The following DAB1 variants were observed in gnomAD, a reference collection of about 807,000 sequenced individuals.
DAB1 encodes the protein DAB adaptor protein 1, also known as disabled homolog 1.
Under a neutral mutation model 64.6 loss-of-function variants are expected in DAB1, and 15 were observed. The observed-to-expected ratio is 0.23, with a 90% confidence interval of 0.16 to 0.36. DAB1 has a LOEUF of 0.36. DAB1 is among the 10% of genes least tolerant of loss of function. The pLI is 1.00. For synonymous variants in DAB1, 235 were observed against 251.9 expected (o/e 0.93, Z 0.64); for missense variants, 596 against 706.7 (o/e 0.84, Z 1.78).
chr1:58,446,823 C>G (rs1467078711), intron 3 of DAB1, among the ~76,000 whole-genome samples: 3 of 152,222 alleles, frequency 2.0e-5, no homozygotes, highest in African/African-American at 7.2e-5. Flanking sequence ...CTCTAACTCT[C>G]CAAACTCTCA....
intron 6 of DAB1, among the ~76,000 whole-genome samples, chr1:57,664,866 A>C (rs1359188843): frequency 6.6e-6 from 1 of 152,072 alleles, no homozygotes; most frequent in East Asian, 1.9e-4. Flanking sequence ...TTTTGTAAAA[A>C]GTACTTAAGT....
At chr1:57,050,498 G>A (rs560576690) in intron 9 of DAB1, among the ~76,000 whole-genome samples, 1 of 152,180 alleles carries the variant, frequency 6.6e-6, no homozygotes, top group African/African-American at 2.4e-5. Context: ...ATCAGCCCGT[G>A]TGACATGACA....
chr1:58,053,872 G>A (rs1383361908), intron 5 of DAB1, among the ~76,000 whole-genome samples: 1 of 152,162 alleles, frequency 6.6e-6, no homozygotes. Flanking sequence ...GGATTCCCAT[G>A]GTGTCAACCA....
chr1:57,081,167 T>C (rs1381877158), intron 4 of DAB1, among the ~76,000 whole-genome samples: 1 of 152,224 alleles, frequency 6.6e-6, no homozygotes, highest in Non-Finnish European at 1.5e-5. Flanking sequence ...AGTCACCTTA[T>C]TTCACTGAGG....
At chr1:57,608,665 G>A (rs1645690086) in intron 7 of DAB1, among the ~76,000 whole-genome samples, 2 of 152,128 alleles carry the variant, frequency 1.3e-5, no homozygotes, top group South Asian at 4.1e-4. Context: ...AACTTTTCAG[G>A]TGAACATTAT....
At chr1:57,979,444 G>C (rs1171895599) in intron 5 of DAB1, among the ~76,000 whole-genome samples, 2 of 152,246 alleles carry the variant, frequency 1.3e-5, no homozygotes, top group Non-Finnish European at 2.9e-5. Context: ...GGATAACATT[G>C]GGAGAAATAC....
chr1:58,159,143 G>C (rs1361615584), intron 4 of DAB1, among the ~76,000 whole-genome samples: 1 of 152,158 alleles, frequency 6.6e-6, no homozygotes, highest in Non-Finnish European at 1.5e-5. Context: ...ATAGCTCTGT[G>C]ACTTGAGGCA....
intron 4 of DAB1, among the ~76,000 whole-genome samples, chr1:58,267,175 A>C (rs1416805881): frequency 6.6e-6 from 1 of 152,162 alleles, no homozygotes; most frequent in African/African-American, 2.4e-5. Context: ...AGCTGAGATC[A>C]CGCCACTGCA....
At chr1:57,312,431 TTTCA>T (rs980279020) in intron 1 of DAB1, among the ~76,000 whole-genome samples, 2 of 152,028 alleles carry the variant, frequency 1.3e-5, no homozygotes, top group African/African-American at 4.8e-5. Flanking sequence ...AACCTAAGTC[TTTCA>T]TTTTACCACT....
chr1:57,068,311 T>C (rs1443700641), intron 8 of DAB1, among the ~76,000 whole-genome samples: 1 of 152,136 alleles, frequency 6.6e-6, no homozygotes. Flanking sequence ...TTGAAAAAAG[T>C]CTCAAAGCAC....
intron 5 of DAB1, among the ~76,000 whole-genome samples, chr1:58,067,083 A>G (rs12569191): frequency 0.032 from 4,858 of 152,208 alleles, 156 homozygotes; most frequent in East Asian, 0.12. Context: ...CTCTCATTCC[A>G]CAAGCATCAG....
At chr1:57,553,964 C>A (rs981138613) in intron 7 of DAB1, among the ~76,000 whole-genome samples, 1 of 150,916 alleles carries the variant, frequency 6.6e-6, no homozygotes, top group Non-Finnish European at 1.5e-5. Context: ...GAGAGAACAC[C>A]AGCCAAAGGA....
At chr1:57,441,371 T>C (rs921021188) in intron 7 of DAB1, among the ~76,000 whole-genome samples, 1 of 151,782 alleles carries the variant, frequency 6.6e-6, no homozygotes, top group Non-Finnish European at 1.5e-5. Context: ...TCTTTCTTTT[T>C]TTTTGAGGCA....
At chr1:58,192,446 T>C (rs1393032877) in intron 4 of DAB1, among the ~76,000 whole-genome samples, 1 of 152,196 alleles carries the variant, frequency 6.6e-6, no homozygotes, top group Non-Finnish European at 1.5e-5. Context: ...TAGTCTTCAA[T>C]GTCTATTATT....
chr1:57,532,588 C>A (rs1442973131), intron 7 of DAB1, among the ~76,000 whole-genome samples: 1 of 152,160 alleles, frequency 6.6e-6, no homozygotes, highest in African/African-American at 2.4e-5. Flanking sequence ...CTGTAACTTG[C>A]TTCTATCCTG....
At chr1:57,984,651 G>T (rs1471497358) in intron 5 of DAB1, among the ~76,000 whole-genome samples, 1 of 152,092 alleles carries the variant, frequency 6.6e-6, no homozygotes, top group Non-Finnish European at 1.5e-5. Context: ...TAATAATTTG[G>T]GCACCCCAAC....
chr1:57,296,623 G>A (rs1211712547), intron 1 of DAB1, among the ~76,000 whole-genome samples: 2 of 151,986 alleles, frequency 1.3e-5, no homozygotes, highest in East Asian at 1.9e-4. Context: ...AGCCTAATTA[G>A]GAATGATTTA....
intron 1 of DAB1, chr1:58,530,503 T>C: frequency 1.4e-6 from 1 of 694,448 alleles, no homozygotes; most frequent in Admixed American, 2.4e-5. Flanking sequence ...TATTTCATAG[T>C]AAAATGTAAA....
At position 57,135,501 on chromosome 1, in the gene DAB1, A is replaced by T. The variant is rs149920687; in HGVS notation, c.306+1042T>A. On this transcript the variant is annotated intron_variant, in intron 4 of 14. Coordinates refer to ENST00000371236, the MANE Select transcript of DAB1 (RefSeq NM_001365792.1). ...TATACAACATTTTGTTTATCTATTCATCCATCTACAGGCATGGGTTGCTTC... is the reference window on the plus strand; with the variant it reads ...TATACAACATTTTGTTTATCTATTCTTCCATCTACAGGCATGGGTTGCTTC... Among the ~76,000 whole-genome samples the T allele has an allele frequency of 2.4e-3, 363 of 152,344 alleles. 2 individuals are homozygous for T. Among genetic ancestry groups the T allele is most frequent in the African/African-American group, 8.4e-3 (348 of 41,582 alleles).
Sources: allele counts gnomAD v4.1 joint callset (sites outside exome capture counted in the v4.1 genomes callset), GRCh38; gene constraint gnomAD v4.1.1; transcripts MANE v1.5; gene names NCBI Gene and HGNC (gene_info 2026-07-23, HGNC 2026-07-21).